Variants in ASB5 observed in about 807,000 individuals in gnomAD.
The protein encoded by ASB5 is ankyrin repeat and SOCS box containing 5, also known as ankyrin repeat and SOCS box protein 5.
Under a neutral mutation model 42.1 loss-of-function variants are expected in ASB5, and 45 were observed. That is an observed-to-expected ratio of 1.07 (90% confidence interval 0.84 to 1.37). The LOEUF is 1.37. ASB5 is among the 40% of genes most tolerant of loss of function. The probability of loss-of-function intolerance (pLI) is 0.00; values close to 1 mark genes in which losing one functional copy is unlikely to be tolerated. For synonymous variants in ASB5, 147 were observed against 150.6 expected (o/e 0.98, Z 0.18); for missense variants, 402 against 399.8 (o/e 1.01, Z -0.05).
rs1386995011 is a variant in ASB5 at position 176,213,830 on chromosome 4, T to C, written c.*1770A>G. On this transcript the variant is annotated 3_prime_UTR_variant, in exon 7 of 7. Coordinates refer to ENST00000296525, the MANE Select transcript of ASB5 (RefSeq NM_080874.4). ...AGTGACCATTTTAATGTTTGATATTTACTTCTCTTATTGGCACAAGACTAA... is the reference window on the plus strand; with the variant it reads ...AGTGACCATTTTAATGTTTGATATTCACTTCTCTTATTGGCACAAGACTAA... 1 of 152,134 alleles carries C rather than the reference T, an allele frequency of 6.6e-6. No homozygotes were observed. Among genetic ancestry groups the C allele is most frequent in the Non-Finnish European group, 1.5e-5 (1 of 67,972 alleles). 9.4% of individuals were successfully genotyped at this position (152,134 alleles called of 1,614,324 possible). A position where few individuals can be genotyped will look rare whatever the true frequency, so the allele number is the denominator to read the frequency against.
chr4:176,220,164 C>T (rs1753162878), intron 5 of ASB5, among the ~76,000 whole-genome samples: 1 of 152,186 alleles, frequency 6.6e-6, no homozygotes, highest in African/African-American at 2.4e-5. Context: ...AAAGCATAAA[C>T]TCTATTGATC....
chr4:176,251,564 TAAAAAAAAA>T lies in ASB5; in HGVS notation c.196+17340_196+17348del, dbSNP rs34392287. 5.8e-4 allele frequency among the ~76,000 whole-genome samples: 6 copies of T among 10,376 alleles called. No individual in the cohort carries two copies. The South Asian group carries it at 9.8e-3, about 17-fold the overall frequency. 6.8% of individuals were successfully genotyped at this position (10,376 alleles called of 152,430 possible). ...GCGACACAGTGAGACTCTGTCTCAT[TAAAAAAAAA>T]AAAAAAAAAAAAAAAAAAATTGTTT... On this transcript the variant is annotated intron_variant, in intron 1 of 6. Transcript: ENST00000296525.
intron 5 of ASB5, among the ~76,000 whole-genome samples, chr4:176,220,126 C>G (rs981838361): frequency 2.0e-5 from 3 of 152,164 alleles, no homozygotes; most frequent in Admixed American, 6.5e-5. Context: ...ATGGGGCCCA[C>G]AGGCCGCAGG....
At chr4:176,273,264 G>A (rs1425945601), upstream of ASB5, among the ~76,000 whole-genome samples, 2 of 152,114 alleles carry the variant, frequency 1.3e-5, no homozygotes, top group African/African-American at 4.8e-5. Flanking sequence ...CCTAGAACAG[G>A]GTTGTTGAGG....
chr4:176,253,985 T>C lies in ASB5; in HGVS notation c.196+14928A>G, dbSNP rs534500312. Among the ~76,000 whole-genome samples the C allele has an allele frequency of 1.4e-4, 21 of 152,308 alleles. No individual in the cohort carries two copies. In the East Asian group the frequency reaches 4.0e-3, roughly 29 times the overall value. On this transcript the variant is annotated intron_variant, in intron 1 of 6. Coordinates refer to ENST00000296525, the MANE Select transcript of ASB5 (RefSeq NM_080874.4). ...ATCGTTAAAATGGCCATACTGCCCA[T>C]AGAAGTTTACAGATTCAGTGTTACT... is the stretch of plus-strand genomic sequence containing the variant.
intron 1 of ASB5, among the ~76,000 whole-genome samples, chr4:176,265,581 T>G (rs942932688): frequency 5.3e-5 from 8 of 152,106 alleles, no homozygotes; most frequent in African/African-American, 1.9e-4. Flanking sequence ...TTCTTCAGAG[T>G]CTAAGACAGA....
intron 1 of ASB5, among the ~76,000 whole-genome samples, chr4:176,229,299 G>A (rs1753461776): frequency 6.6e-6 from 1 of 152,138 alleles, no homozygotes; most frequent in South Asian, 2.1e-4. Flanking sequence ...TAGAGACGTG[G>A]CCTTTGGGAT....
upstream of ASB5, among the ~76,000 whole-genome samples, chr4:176,271,106 A>ATATTAGTATTTGTATACTAC (rs1754461418): frequency 2.0e-5 from 3 of 152,328 alleles, no homozygotes; most frequent in African/African-American, 7.2e-5. Flanking sequence ...ACTAATACAA[A>ATATTAGTATTTGTATACTAC]AAACTACAGT....
At chr4:176,258,345 G>A (rs1754195496) in intron 1 of ASB5, among the ~76,000 whole-genome samples, 1 of 152,126 alleles carries the variant, frequency 6.6e-6, no homozygotes, top group Admixed American at 6.6e-5. Flanking sequence ...TTATGTCTGG[G>A]TCAAACATTG....
At chr4:176,257,624 A>G (rs1358200220) in intron 1 of ASB5, among the ~76,000 whole-genome samples, 1 of 152,222 alleles carries the variant, frequency 6.6e-6, no homozygotes, top group East Asian at 1.9e-4. Context: ...TATTTTTGGC[A>G]AGCATTGTAT....
At chr4:176,260,689 G>GT (rs895606067) in intron 1 of ASB5, among the ~76,000 whole-genome samples, 1 of 151,992 alleles carries the variant, frequency 6.6e-6, no homozygotes, top group African/African-American at 2.4e-5. Flanking sequence ...TGTTTGTTTT[G>GT]TTTTTTTGAG....
At chr4:176,253,673 A>T (rs1427707505) in intron 1 of ASB5, among the ~76,000 whole-genome samples, 2 of 152,216 alleles carry the variant, frequency 1.3e-5, no homozygotes, top group Admixed American at 6.5e-5. Context: ...GGAACTGATA[A>T]ACACCTTCAG....
intron 1 of ASB5, among the ~76,000 whole-genome samples, chr4:176,236,835 T>A (rs1753696960): frequency 6.6e-6 from 1 of 152,226 alleles, no homozygotes; most frequent in African/African-American, 2.4e-5. Flanking sequence ...CTCCTTTCTA[T>A]CTTTCATAGT....
At position 176,213,969 on chromosome 4, in the gene ASB5, G is replaced by A. The variant is rs1752901005; in HGVS notation, c.*1631C>T. The A allele has an allele frequency of 6.6e-6, 1 of 151,976 alleles. No homozygotes were observed. Among genetic ancestry groups the A allele is most frequent in the Non-Finnish European group, 1.5e-5 (1 of 67,960 alleles). The allele number at this position is 151,976 out of a possible 1,614,324, so 9.4% of individuals were successfully genotyped here. On this transcript the variant is annotated 3_prime_UTR_variant, in exon 7 of 7. Coordinates refer to ENST00000296525, the MANE Select transcript of ASB5 (RefSeq NM_080874.4). ...GCAGCTTTAATATCTGTTTAACCAGGTTATTCTATAATAAGAACTCCATTT... is the reference window on the plus strand; with the variant it reads ...GCAGCTTTAATATCTGTTTAACCAGATTATTCTATAATAAGAACTCCATTT...
chr4:176,274,448 A>C (rs1188078707), intron 2 of ASB5, among the ~76,000 whole-genome samples: 1 of 152,240 alleles, frequency 6.6e-6, no homozygotes, highest in Non-Finnish European at 1.5e-5. Context: ...TCTGTACAAC[A>C]GATGAAGAAA....
intron 1 of ASB5, among the ~76,000 whole-genome samples, chr4:176,258,968 GTT>G (rs758838956): frequency 6.6e-6 from 1 of 151,762 alleles, no homozygotes. Context: ...TTCAGTAAAG[GTT>G]TTTTTTCTCC....
chr4:176,257,853 C>A (rs1357313351), intron 1 of ASB5, among the ~76,000 whole-genome samples: 1 of 152,134 alleles, frequency 6.6e-6, no homozygotes, highest in Non-Finnish European at 1.5e-5. Context: ...AAACTGACAA[C>A]TTACTAAGCT....
At chr4:176,271,184 A>G (rs1754462686), upstream of ASB5, among the ~76,000 whole-genome samples, 1 of 152,134 alleles carries the variant, frequency 6.6e-6, no homozygotes, top group African/African-American at 2.4e-5. Flanking sequence ...TCCCATTTGT[A>G]TGTTCTGTTG....
At chr4:176,244,581 G>T (rs1753872715) in intron 1 of ASB5, among the ~76,000 whole-genome samples, 1 of 152,112 alleles carries the variant, frequency 6.6e-6, no homozygotes, top group African/African-American at 2.4e-5. Flanking sequence ...ACGACCAAGT[G>T]AAAATAGCCA....
Sources: gnomAD v4.1 joint callset for allele counts (sites outside exome capture counted in the v4.1 genomes callset) on GRCh38, gnomAD v4.1.1 for gene constraint, MANE v1.5 for transcripts, NCBI Gene and HGNC (gene_info 2026-07-23, HGNC 2026-07-21) for gene names.